The following FBXL17 variants were observed in gnomAD, a reference collection of about 807,000 sequenced individuals.
The protein encoded by FBXL17 is F-box and leucine rich repeat protein 17.
FBXL17 carries 22 observed loss-of-function variants against 66.2 expected under a neutral mutation model. The observed-to-expected ratio is 0.33, with a 90% CI of 0.24 to 0.47. FBXL17 has a LOEUF of 0.47. Ranked by LOEUF, FBXL17 falls within the 20% of genes least tolerant of loss-of-function variation. The probability of loss-of-function intolerance (pLI) is 1.00; values close to 1 mark genes in which losing one functional copy is unlikely to be tolerated. For synonymous variants in FBXL17, 474 were observed against 400.5 expected, an observed-to-expected ratio of 1.18 and a Z score of -2.19; for missense variants, 878 against 948.2, an observed-to-expected ratio of 0.93 and a Z score of 0.97.
At chr5:108,031,440 G>A (rs1261461813) in intron 6 of FBXL17, among the ~76,000 whole-genome samples, 3 of 152,002 alleles carry the variant, frequency 2.0e-5, no homozygotes, top group Admixed American at 6.6e-5. Context: ...AAAATTTCAA[G>A]CTTTCAAAGA....
Position 108,113,122 on chromosome 5 carries a change from A to G in FBXL17, c.1745+72995T>C, listed in dbSNP as rs113010553. 1.1e-4 allele frequency among the ~76,000 whole-genome samples: 16 copies of G among 152,204 alleles called. 1 individual carries two copies. The East Asian group carries it at 2.3e-3, about 22-fold the overall frequency. ...AGTCTTTCTCATACTTCTTACTTAC[A>G]CCCAGACCACTTTTATCCAGACTTG... On this transcript the variant is annotated intron_variant, in intron 6 of 8. Transcript: ENST00000542267.
At chr5:107,888,042 T>C (rs1479983087) in intron 7 of FBXL17, among the ~76,000 whole-genome samples, 2 of 152,242 alleles carry the variant, frequency 1.3e-5, no homozygotes, top group Admixed American at 1.3e-4. Context: ...CTAATTAATG[T>C]CCTTTCCATC....
Position 108,009,669 on chromosome 5 carries a change from T to G in FBXL17, c.1822+11256A>C, listed in dbSNP as rs146862679. Among the ~76,000 whole-genome samples the G allele has an allele frequency of 3.4e-3, 514 of 152,148 alleles. 2 individuals carry two copies. Among genetic ancestry groups the G allele is most frequent in the African/African-American group, 0.012 (497 of 41,516 alleles). The stretch of plus-strand genomic sequence containing the variant: ...AGTCTTTACAAGCCCAAGGGAATGT[T>G]TTAGGATAAGGGTGAAAATTAACAG... On this transcript the variant is annotated intron_variant, in intron 7 of 8. Transcript: ENST00000542267.
At chr5:108,001,533 C>T (rs965582195) in intron 7 of FBXL17, among the ~76,000 whole-genome samples, 1 of 151,856 alleles carries the variant, frequency 6.6e-6, no homozygotes, top group South Asian at 2.1e-4. Context: ...CAGAGTCGCA[C>T]TCCATCGCCC....
intron 6 of FBXL17, among the ~76,000 whole-genome samples, chr5:108,099,219 G>A (rs1419278498): frequency 6.6e-6 from 1 of 151,986 alleles, no homozygotes; most frequent in African/African-American, 2.4e-5. Flanking sequence ...ATTAATGGTT[G>A]AACTAAGCCA....
chr5:108,005,858 A>G (rs1196236080), intron 7 of FBXL17, among the ~76,000 whole-genome samples: 1 of 152,224 alleles, frequency 6.6e-6, no homozygotes, highest in Non-Finnish European at 1.5e-5. Context: ...CTTCTAAGCC[A>G]GGGTAATGCC....
At chr5:107,962,403 C>G (rs1561341320) in intron 7 of FBXL17, among the ~76,000 whole-genome samples, 1 of 152,030 alleles carries the variant, frequency 6.6e-6, no homozygotes, top group Non-Finnish European at 1.5e-5. Flanking sequence ...AATCATTGAC[C>G]CATCCATTCT....
At position 108,381,762 on chromosome 5, in the gene FBXL17, G is replaced by T; in HGVS notation, c.-71C>A. 3 of 1,371,654 alleles carry T rather than the reference G, an allele frequency of 2.2e-6. No homozygotes were observed. The highest frequency in any genetic ancestry group is 2.8e-6 in the Non-Finnish European group (3 of 1,068,290). 85.0% of individuals were successfully genotyped at this position (1,371,654 alleles called of 1,614,324 possible). ...CCAGAGAGGCGGGCTCCCGGCAGCG[G>T]GGCAGGCCGCTCGCTGGCTCGGCCC... is the stretch of plus-strand genomic sequence containing the variant. On this transcript the variant is annotated 5_prime_UTR_variant, in exon 1 of 9. Coordinates refer to ENST00000542267, the MANE Select transcript of FBXL17 (RefSeq NM_001163315.3).
chr5:108,176,515 C>G (rs1561448386), intron 6 of FBXL17, among the ~76,000 whole-genome samples: 1 of 152,126 alleles, frequency 6.6e-6, no homozygotes, highest in Non-Finnish European at 1.5e-5. Flanking sequence ...CATGTTAGGA[C>G]CATAATAAAT....
At chr5:108,247,960 G>A (rs1399334671) in intron 4 of FBXL17, among the ~76,000 whole-genome samples, 1 of 152,186 alleles carries the variant, frequency 6.6e-6, no homozygotes, top group Non-Finnish European at 1.5e-5. Context: ...TGGCTAGAAA[G>A]AGCAGTATTT....
chr5:108,257,748 A>G (rs1756635305), intron 4 of FBXL17, among the ~76,000 whole-genome samples: 1 of 152,128 alleles, frequency 6.6e-6, no homozygotes, highest in Non-Finnish European at 1.5e-5. Context: ...ACGACCTGAT[A>G]ATGTCTTCCA....
chr5:107,998,115 T>G (rs1045408363), intron 7 of FBXL17, among the ~76,000 whole-genome samples: 2 of 152,220 alleles, frequency 1.3e-5, no homozygotes, highest in Non-Finnish European at 2.9e-5. Context: ...GTAAAACATT[T>G]CATTAGTATT....
intron 4 of FBXL17, chr5:108,298,210 C>T (rs571387025): frequency 1.0e-6 from 1 of 980,744 alleles, no homozygotes; most frequent in East Asian, 1.1e-4. Context: ...ATATACAATG[C>T]CCCAACAATA....
At chr5:108,302,705 C>T (rs903556045) in intron 4 of FBXL17, among the ~76,000 whole-genome samples, 4 of 151,686 alleles carry the variant, frequency 2.6e-5, no homozygotes, top group African/African-American at 9.7e-5. Context: ...AAATGTTCAG[C>T]CACTGACAGT....
chr5:108,363,131 A>T (rs1378847264), intron 3 of FBXL17, among the ~76,000 whole-genome samples: 1 of 152,054 alleles, frequency 6.6e-6, no homozygotes, highest in Non-Finnish European at 1.5e-5. Context: ...ATGAAATATC[A>T]CTAGGTCATA....
At chr5:108,044,031 T>C (rs1006279663) in intron 6 of FBXL17, among the ~76,000 whole-genome samples, 1 of 152,224 alleles carries the variant, frequency 6.6e-6, no homozygotes, top group Non-Finnish European at 1.5e-5. Flanking sequence ...TCGAGTTTTG[T>C]ATGTTTATCT....
At position 108,331,957 on chromosome 5, in the gene FBXL17, G is replaced by C. The variant is rs1435891286; in HGVS notation, c.1506+16442C>G. On this transcript the variant is annotated intron_variant, in intron 4 of 8. Coordinates refer to ENST00000542267, the MANE Select transcript of FBXL17 (RefSeq NM_001163315.3). ...AATAATTTGATGTGAAAATATAGTA[G>C]AGAATATCTTAAAAGTTAGAATCGA... Among the ~76,000 whole-genome samples the C allele has an allele frequency of 3.3e-5, 5 of 152,144 alleles. No homozygotes were observed. In the South Asian group the frequency reaches 6.2e-4, roughly 19 times the overall value.
chr5:108,120,653 A>G (rs1028458078), intron 6 of FBXL17, among the ~76,000 whole-genome samples: 15 of 152,076 alleles, frequency 9.9e-5, no homozygotes, highest in Non-Finnish European at 2.1e-4. Context: ...CAACACAGCA[A>G]GACTCTTATC....
chr5:108,210,130 T>C (rs1734099170), intron 5 of FBXL17, among the ~76,000 whole-genome samples: 2 of 152,192 alleles, frequency 1.3e-5, no homozygotes, highest in Admixed American at 1.3e-4. Context: ...TGATGGTAGT[T>C]TGTATTTCTG....
Sources: gnomAD v4.1 joint callset for allele counts (sites outside exome capture counted in the v4.1 genomes callset) on GRCh38, gnomAD v4.1.1 for gene constraint, MANE v1.5 for transcripts, NCBI Gene and HGNC (gene_info 2026-07-23, HGNC 2026-07-21) for gene names.